The following CSNK1G1 variants were observed in gnomAD, a reference collection of about 807,000 sequenced individuals.
The protein encoded by CSNK1G1 is casein kinase I isoform gamma-1.
Under a neutral mutation model 59.6 loss-of-function variants are expected in CSNK1G1, and 22 were observed. The observed-to-expected ratio is 0.37, with a 90% confidence interval of 0.26 to 0.53. CSNK1G1 has a LOEUF of 0.53. CSNK1G1 is among the 20% of genes least tolerant of loss of function. The pLI is 0.89. For synonymous variants in CSNK1G1, 179 were observed against 177.1 expected (o/e 1.01, Z -0.08); for missense variants, 384 against 519.5 (o/e 0.74, Z 2.54).
chr15:64,332,808 T>C (rs1566950941), intron 1 of CSNK1G1, among the ~76,000 whole-genome samples: 1 of 152,110 alleles, frequency 6.6e-6, no homozygotes, highest in Non-Finnish European at 1.5e-5. Flanking sequence ...CTTACTTTTA[T>C]GTTTAAAGTT....
chr15:64,281,632 G>T (rs1894140150), intron 2 of CSNK1G1, among the ~76,000 whole-genome samples: 1 of 152,118 alleles, frequency 6.6e-6, no homozygotes, highest in Non-Finnish European at 1.5e-5. Context: ...GAGGTCAGGA[G>T]TTCAAGGCCA....
intron 10 of CSNK1G1, among the ~76,000 whole-genome samples, chr15:64,201,672 G>A (rs1186833565): frequency 6.6e-6 from 1 of 151,360 alleles, no homozygotes; most frequent in Non-Finnish European, 1.5e-5. Flanking sequence ...ACTTACTGGT[G>A]AGAAAATATA....
chr15:64,322,373 CGGTCTTACTACATTGCCCAA>C lies in CSNK1G1; in HGVS notation c.-224-21670_-224-21651del, dbSNP rs1274754725. Among the ~76,000 whole-genome samples the C allele has an allele frequency of 3.3e-5, 5 of 152,034 alleles. No homozygotes were observed. The South Asian group carries it at 1.0e-3, about 32-fold the overall frequency. On this transcript the variant is annotated intron_variant, in intron 1 of 11. Transcript: ENST00000303052. ...TCTCTTTTTTTTTTAAATACAGACA[CGGTCTTACTACATTGCCCAA>C]GGTCTTACTACATTGCCCAGGCTGG...
intron 1 of CSNK1G1, among the ~76,000 whole-genome samples, chr15:64,350,675 T>C (rs1219627185): frequency 6.6e-6 from 1 of 152,178 alleles, no homozygotes; most frequent in African/African-American, 2.4e-5. Context: ...GAGCTGATAT[T>C]ATATAACCTA....
intron 1 of CSNK1G1, among the ~76,000 whole-genome samples, chr15:64,349,934 T>G (rs1035965285): frequency 1.4e-5 from 2 of 147,194 alleles, no homozygotes; most frequent in African/African-American, 5.0e-5. Flanking sequence ...AAAAAAAAAA[T>G]TAAAAATTAA....
At chr15:64,304,737 T>C (rs1895572349) in intron 1 of CSNK1G1, among the ~76,000 whole-genome samples, 2 of 152,260 alleles carry the variant, frequency 1.3e-5, no homozygotes, top group African/African-American at 2.4e-5. Flanking sequence ...CATAAATATT[T>C]AAATTTCAAA....
chr15:64,310,926 G>T (rs1452387513), intron 1 of CSNK1G1, among the ~76,000 whole-genome samples: 3 of 148,624 alleles, frequency 2.0e-5, no homozygotes, highest in Non-Finnish European at 4.5e-5. Context: ...AATCGCTTGA[G>T]CCCTGGAGGC....
intron 1 of CSNK1G1, among the ~76,000 whole-genome samples, chr15:64,337,750 C>T (rs1302485361): frequency 6.6e-6 from 1 of 152,054 alleles, no homozygotes; most frequent in Non-Finnish European, 1.5e-5. Context: ...TATCTATACC[C>T]AAAATATTCT....
chr15:64,350,979 G>C (rs1898254134), intron 1 of CSNK1G1, among the ~76,000 whole-genome samples: 1 of 151,570 alleles, frequency 6.6e-6, no homozygotes, highest in South Asian at 2.1e-4. Flanking sequence ...CAAGTTAACT[G>C]TTAAAAAGAG....
intron 3 of CSNK1G1, among the ~76,000 whole-genome samples, chr15:64,255,028 C>T (rs189159503): frequency 6.6e-6 from 1 of 152,264 alleles, no homozygotes; most frequent in African/African-American, 2.4e-5. Flanking sequence ...TTTCTGGCAT[C>T]ATTTGTTGAA....
At chr15:64,293,026 C>G (rs980044773) in intron 2 of CSNK1G1, among the ~76,000 whole-genome samples, 1 of 152,148 alleles carries the variant, frequency 6.6e-6, no homozygotes, top group East Asian at 1.9e-4. Flanking sequence ...ATTTTCTTAA[C>G]TCTAGAGGAA....
At chr15:64,205,876 C>T (rs776553456) in intron 7 of CSNK1G1, among the ~76,000 whole-genome samples, 1 of 152,116 alleles carries the variant, frequency 6.6e-6, no homozygotes, top group Non-Finnish European at 1.5e-5. Context: ...GGAAGTCTTA[C>T]GTTTTAGGAC....
At chr15:64,264,620 T>G (rs555448386) in intron 2 of CSNK1G1, among the ~76,000 whole-genome samples, 14 of 152,190 alleles carry the variant, frequency 9.2e-5, no homozygotes, top group Non-Finnish European at 1.6e-4. Flanking sequence ...GCACAAATCG[T>G]CAACAAAATA....
In CSNK1G1 at chr15:64,188,050, T is replaced by C. The variant is rs905737439; in HGVS notation, c.1108-7596A>G. 8.5e-5 allele frequency among the ~76,000 whole-genome samples: 13 copies of C among 152,220 alleles called. No individual in the cohort carries two copies. The South Asian group carries it at 2.5e-3, about 29-fold the overall frequency. On this transcript the variant is annotated intron_variant, in intron 10 of 11. Coordinates refer to ENST00000303052, the MANE Select transcript of CSNK1G1 (RefSeq NM_022048.5). The surrounding 1 kb of genome is among the most constrained non-coding windows in gnomAD (Gnocchi z 4.2). Reference sequence around the variant, plus strand: ...AAAATACTTGTAAGTTTCAGGTCTTTACAATTCACAGACTTGACACTAACA... The same window carrying C: ...AAAATACTTGTAAGTTTCAGGTCTTCACAATTCACAGACTTGACACTAACA...
intron 4 of CSNK1G1, among the ~76,000 whole-genome samples, chr15:64,247,757 G>C (rs1016879124): frequency 6.6e-6 from 1 of 152,172 alleles, no homozygotes; most frequent in Non-Finnish European, 1.5e-5. Flanking sequence ...TAATGATTAA[G>C]AGTTGGGTAC....
At chr15:64,281,676 T>TA (rs1245615084) in intron 2 of CSNK1G1, among the ~76,000 whole-genome samples, 1 of 151,716 alleles carries the variant, frequency 6.6e-6, no homozygotes, top group African/African-American at 2.4e-5. Context: ...CATCTCTATT[T>TA]AAAAAATACA....
chr15:64,244,335 T>C (rs1448325561), intron 4 of CSNK1G1, among the ~76,000 whole-genome samples: 1 of 140,552 alleles, frequency 7.1e-6, no homozygotes, highest in African/African-American at 2.7e-5. Flanking sequence ...CAAGGGAAAC[T>C]GTAAAACACT....
intron 6 of CSNK1G1, among the ~76,000 whole-genome samples, chr15:64,209,654 GA>G (rs970951349): frequency 1.3e-4 from 19 of 149,684 alleles, no homozygotes; most frequent in Middle Eastern, 3.4e-3. Context: ...ATTCATAATT[GA>G]AAAAAAAAGC....
chr15:64,290,420 T>C, intron 2 of CSNK1G1, among the ~76,000 whole-genome samples: 1 of 151,956 alleles, frequency 6.6e-6, no homozygotes, highest in African/African-American at 2.4e-5. Flanking sequence ...AAATTTCACG[T>C]TTTTTGCAGC....
Sources: gnomAD v4.1 joint callset for allele counts (sites outside exome capture counted in the v4.1 genomes callset) on GRCh38, gnomAD v4.1.1 for gene constraint, Gnocchi (gnomAD v3.1) non-coding constraint, MANE v1.5 for transcripts, NCBI Gene and HGNC (gene_info 2026-07-23, HGNC 2026-07-21) for gene names.